TCEA1: variants seen among roughly 807,000 people sequenced by gnomAD.
The protein encoded by TCEA1 is transcription elongation factor A protein 1.
TCEA1 carries 21 observed loss-of-function variants against 43.8 expected under a neutral mutation model. The ratio of observed to expected loss-of-function variants is 0.48; its 90% CI spans 0.34 to 0.69. The LOEUF (loss-of-function observed/expected upper bound fraction) is 0.69, where lower values mean the gene tolerates loss of function less well. TCEA1 is among the 30% of genes least tolerant of loss of function. The pLI is 0.01. For synonymous variants in TCEA1, 104 were observed against 117.5 expected (o/e 0.88, Z 0.75); for missense variants, 250 against 365.1 (o/e 0.68, Z 2.57).
rs1263212411 is a variant in TCEA1 at position 53,990,387 on chromosome 8, C to CAG, written c.321-2130_321-2129dup. On this transcript the variant is annotated intron_variant, in intron 4 of 9. Transcript: ENST00000521604. ...TTTTTTTTTTTTTTTTCTTTTGAGACAGTCTTACGCTGTCACCCAGACTGG... is the reference window on the plus strand; with the variant it reads ...TTTTTTTTTTTTTTTTCTTTTGAGACAGAGTCTTACGCTGTCACCCAGACTGG... Among the ~76,000 whole-genome samples the CAG allele has an allele frequency of 3.9e-3, 573 of 145,080 alleles. 3 individuals carry two copies. The highest frequency in any genetic ancestry group is 0.014 in the African/African-American group (547 of 39,726).
chr8:54,017,217 T>G (rs1804860006), intron 1 of TCEA1, among the ~76,000 whole-genome samples: 1 of 152,076 alleles, frequency 6.6e-6, no homozygotes, highest in African/African-American at 2.4e-5. Flanking sequence ...TGTTCTAAAA[T>G]TATACAGTAG....
chr8:53,975,512 T>C (rs1393138878), intron 8 of TCEA1, among the ~76,000 whole-genome samples: 1 of 152,164 alleles, frequency 6.6e-6, no homozygotes, highest in Non-Finnish European at 1.5e-5. Flanking sequence ...AACAGATGAA[T>C]ATACAAAATG....
At chr8:53,989,283 T>A (rs1432229988) in intron 4 of TCEA1, among the ~76,000 whole-genome samples, 1 of 152,224 alleles carries the variant, frequency 6.6e-6, no homozygotes, top group Non-Finnish European at 1.5e-5. Flanking sequence ...CTTCTTACGT[T>A]GGATTATCAC....
At chr8:53,981,903 C>T (rs184259776) in intron 7 of TCEA1, among the ~76,000 whole-genome samples, 1 of 151,504 alleles carries the variant, frequency 6.6e-6, no homozygotes, top group Non-Finnish European at 1.5e-5. Context: ...CAGGAACGCA[C>T]CACACCATGC....
chr8:53,972,296 T>C (rs1373321352), intron 8 of TCEA1: 4 of 438,250 alleles, frequency 9.1e-6, no homozygotes, highest in Non-Finnish European at 1.8e-5. Context: ...ATGGAAGTGA[T>C]GATGAAAATG....
chr8:53,992,338 C>A (rs1344476733), intron 4 of TCEA1, among the ~76,000 whole-genome samples: 2 of 149,372 alleles, frequency 1.3e-5, no homozygotes, highest in Non-Finnish European at 3.0e-5. Context: ...AAACCCCAGG[C>A]ACAGTGGCTC....
intron 1 of TCEA1, among the ~76,000 whole-genome samples, chr8:54,018,141 T>A (rs1276378270): frequency 6.6e-6 from 1 of 152,234 alleles, no homozygotes; most frequent in Non-Finnish European, 1.5e-5. Flanking sequence ...TTGCAGTTGT[T>A]ATTTTAACTG....
At chr8:54,005,266 A>G (rs772953657) in intron 2 of TCEA1, among the ~76,000 whole-genome samples, 2 of 152,230 alleles carry the variant, frequency 1.3e-5, no homozygotes, top group African/African-American at 2.4e-5. Context: ...AAATTAAATG[A>G]AATTTAGAAT....
intron 1 of TCEA1, among the ~76,000 whole-genome samples, chr8:54,015,607 G>GA (rs1431728084): frequency 6.6e-6 from 1 of 152,012 alleles, no homozygotes; most frequent in Non-Finnish European, 1.5e-5. Context: ...AGCAACAAAA[G>GA]AAAAATATAT....
At chr8:53,991,025 T>G (rs1462539133) in intron 4 of TCEA1, among the ~76,000 whole-genome samples, 1 of 152,100 alleles carries the variant, frequency 6.6e-6, no homozygotes, top group Non-Finnish European at 1.5e-5. Flanking sequence ...AGTTACTTTA[T>G]CAGACTTCAC....
chr8:54,000,209 T>C (rs1450248552), intron 2 of TCEA1, among the ~76,000 whole-genome samples, 159 bp from the exon 3 acceptor site: 3 of 152,336 alleles, frequency 2.0e-5, no homozygotes, highest in South Asian at 4.1e-4. Context: ...TTAAGATACA[T>C]ACATCTTCAG....
chr8:53,973,211 T>C (rs1240057783), intron 8 of TCEA1: 17 of 475,590 alleles, frequency 3.6e-5, no homozygotes, highest in Non-Finnish European at 5.5e-5. Flanking sequence ...TAGGCAACTT[T>C]TGCAGGTTAT....
intron 1 of TCEA1, among the ~76,000 whole-genome samples, chr8:54,012,867 G>A (rs1234894059): frequency 2.7e-5 from 4 of 147,896 alleles, no homozygotes; most frequent in African/African-American, 7.4e-5. Flanking sequence ...CCAGAAGCTT[G>A]AGATTACATG....
At chr8:54,006,112 A>G (rs1351920490) in intron 2 of TCEA1, among the ~76,000 whole-genome samples, 1 of 152,204 alleles carries the variant, frequency 6.6e-6, no homozygotes, top group African/African-American at 2.4e-5. Context: ...TGCACCTCCC[A>G]GATTATGTAC....
intron 2 of TCEA1, among the ~76,000 whole-genome samples, chr8:54,005,837 C>A (rs778348173): frequency 6.6e-6 from 1 of 152,200 alleles, no homozygotes; most frequent in Admixed American, 6.5e-5. Flanking sequence ...TGCCTAACAC[C>A]TTTCAGTAGT....
intron 3 of TCEA1, 114 bp downstream of exon 3, chr8:53,999,831 T>A (rs1425339336): frequency 1.3e-6 from 1 of 745,100 alleles, no homozygotes; most frequent in Non-Finnish European, 2.3e-6. Flanking sequence ...GCTTTCAGTA[T>A]ATCTAGATTC....
chr8:54,009,598 G>C (rs1299513546), intron 2 of TCEA1, among the ~76,000 whole-genome samples: 2 of 152,192 alleles, frequency 1.3e-5, no homozygotes. Flanking sequence ...TCACTCCTAT[G>C]TGAGAGCTAA....
chr8:54,003,234 A>AC (rs1245843350), intron 2 of TCEA1: 2 of 366,252 alleles, frequency 5.5e-6, no homozygotes, highest in Non-Finnish European at 1.1e-5. Context: ...CCCAAACAAA[A>AC]TTTTTAAATC....
intron 9 of TCEA1, among the ~76,000 whole-genome samples, chr8:53,969,366 G>A (rs2129297390): frequency 6.6e-6 from 1 of 152,196 alleles, no homozygotes; most frequent in African/African-American, 2.4e-5. Context: ...AAGCCAAATG[G>A]ATATCTTCGA....
Sources: allele counts gnomAD v4.1 joint callset (sites outside exome capture counted in the v4.1 genomes callset), GRCh38; gene constraint gnomAD v4.1.1; transcripts MANE v1.5; gene names NCBI Gene and HGNC (gene_info 2026-07-23, HGNC 2026-07-21).